Variants in SNTB2 observed in about 807,000 individuals in gnomAD.
SNTB2 encodes syntrophin beta 2, also known as beta-2-syntrophin.
A neutral mutation model predicts 46.2 loss-of-function variants in SNTB2; 34 were observed. The observed-to-expected ratio is 0.74, with a 90% CI of 0.56 to 0.98. SNTB2 has a LOEUF of 0.98. Among genes scored for constraint, SNTB2 ranks in the 50% least tolerant of loss-of-function variants. The pLI, the probability that SNTB2 is intolerant of heterozygous loss-of-function variation, is 0.00. For missense variants in SNTB2, 603 were observed against 731.4 expected, an observed-to-expected ratio of 0.82 and a Z score of 2.02; for synonymous variants, 290 against 312.6, an observed-to-expected ratio of 0.93 and a Z score of 0.76.
intron 5 of SNTB2, among the ~76,000 whole-genome samples, chr16:69,292,883 C>A (rs1364514773): frequency 6.6e-6 from 1 of 152,032 alleles, no homozygotes. Flanking sequence ...TTATACTTAA[C>A]AACATCCCCG....
intron 5 of SNTB2, among the ~76,000 whole-genome samples, chr16:69,298,551 C>T (rs961430344): frequency 3.4e-5 from 4 of 118,836 alleles, no homozygotes; most frequent in Admixed American, 2.1e-4. Context: ...GACAGTGTCT[C>T]GCTCTTGTCA....
rs1034123328 is a variant in SNTB2 at position 69,307,766 on chromosome 16, G to A, written c.*6842G>A. The A allele has an allele frequency of 1.3e-5, 2 of 150,464 alleles. No homozygotes were observed. The highest frequency in any genetic ancestry group is 4.9e-5 in the African/African-American group (2 of 40,858). 9.3% of individuals were successfully genotyped at this position (150,464 alleles called of 1,614,324 possible). On this transcript the variant is annotated 3_prime_UTR_variant, in exon 7 of 7. Coordinates refer to ENST00000336278, the MANE Select transcript of SNTB2 (RefSeq NM_006750.4). ...TCCAGACCAGCCTGGGCAACACAGCGGGACCCCGACTCCATTTAAAAAATT... is the reference window on the plus strand; with the variant it reads ...TCCAGACCAGCCTGGGCAACACAGCAGGACCCCGACTCCATTTAAAAAATT...
chr16:69,293,224 A>G (rs1397986815), intron 5 of SNTB2, among the ~76,000 whole-genome samples: 1 of 152,200 alleles, frequency 6.6e-6, no homozygotes, highest in African/African-American at 2.4e-5. Flanking sequence ...TCATATGTCC[A>G]GTCTGAACCA....
intron 2 of SNTB2, among the ~76,000 whole-genome samples, chr16:69,249,015 ATTTC>A (rs1230047237): frequency 6.9e-6 from 1 of 145,382 alleles, no homozygotes; most frequent in African/African-American, 2.6e-5. Context: ...GTTATAAATC[ATTTC>A]TTTCTTTTTT....
chr16:69,225,608 A>G (rs1597179032), intron 1 of SNTB2, among the ~76,000 whole-genome samples: 1 of 152,284 alleles, frequency 6.6e-6, no homozygotes, highest in East Asian at 1.9e-4. Flanking sequence ...GTTTTGCCTT[A>G]TTATAATTTC....
At chr16:69,299,092 A>C (rs528186828) in intron 5 of SNTB2, among the ~76,000 whole-genome samples, 2 of 152,068 alleles carry the variant, frequency 1.3e-5, no homozygotes, top group African/African-American at 4.8e-5. Context: ...ACAGATGTCA[A>C]GGAGTGTTAT....
chr16:69,194,627 G>A (rs1485081294), intron 1 of SNTB2, among the ~76,000 whole-genome samples: 1 of 152,118 alleles, frequency 6.6e-6, no homozygotes, highest in African/African-American at 2.4e-5. Context: ...AGTCATTCCA[G>A]CCAAAAATAC....
chr16:69,292,354 TTATATA>T lies in SNTB2; in HGVS notation c.1346-7216_1346-7211del, dbSNP rs1166147915. On this transcript the variant is annotated intron_variant, in intron 5 of 6. Coordinates refer to ENST00000336278, the MANE Select transcript of SNTB2 (RefSeq NM_006750.4). Reference sequence around the variant, plus strand: ...TATTTACCATTGTTCACCTTATTTTTTATATATATATATATATATATATATTATATA... The same window carrying T: ...TATTTACCATTGTTCACCTTATTTTTTATATATATATATATATATTATATA... 9.1e-4 allele frequency among the ~76,000 whole-genome samples: 33 copies of T among 36,284 alleles called. 1 individual carries two copies. The highest frequency in any genetic ancestry group is 1.0e-3 in the Non-Finnish European group (22 of 21,756). The allele number at this position is 36,284 out of a possible 152,430, so 23.8% of individuals were successfully genotyped here. A position where few individuals can be genotyped will look rare whatever the true frequency, so the allele number is the denominator to read the frequency against.
chr16:69,257,893 C>T (rs1046634069), intron 2 of SNTB2, among the ~76,000 whole-genome samples: 9 of 152,194 alleles, frequency 5.9e-5, no homozygotes, highest in Admixed American at 1.3e-4. Flanking sequence ...ACTGTATCTC[C>T]AATACCAGTG....
intron 5 of SNTB2, among the ~76,000 whole-genome samples, chr16:69,293,943 C>T (rs1465332286): frequency 6.6e-6 from 1 of 152,206 alleles, no homozygotes; most frequent in Non-Finnish European, 1.5e-5. Context: ...ATAGACATCC[C>T]TGGCTTTTTC....
intron 1 of SNTB2, among the ~76,000 whole-genome samples, chr16:69,203,962 G>A (rs1038277288): frequency 1.3e-5 from 2 of 151,414 alleles, no homozygotes; most frequent in Non-Finnish European, 2.9e-5. Context: ...GCGCGATCCC[G>A]GCTTACTGCA....
At chr16:69,223,408 T>C (rs1964426412) in intron 1 of SNTB2, among the ~76,000 whole-genome samples, 1 of 152,074 alleles carries the variant, frequency 6.6e-6, no homozygotes. Flanking sequence ...TTGGCCAGGC[T>C]GGTTTCCAAT....
At chr16:69,278,838 A>G (rs1192215471) in intron 4 of SNTB2, among the ~76,000 whole-genome samples, 2 of 151,226 alleles carry the variant, frequency 1.3e-5, no homozygotes, top group Non-Finnish European at 2.9e-5. Context: ...CACTAAGGAC[A>G]CTTCTTGCTG....
At chr16:69,232,637 G>A (rs571931264) in intron 1 of SNTB2, among the ~76,000 whole-genome samples, 3 of 146,380 alleles carry the variant, frequency 2.0e-5, no homozygotes, top group South Asian at 2.2e-4. Context: ...TCAGCCTCCC[G>A]AGTAGCTGGG....
At chr16:69,241,651 G>C (rs1404045716) in intron 1 of SNTB2, among the ~76,000 whole-genome samples, 2 of 150,810 alleles carry the variant, frequency 1.3e-5, no homozygotes, top group Non-Finnish European at 3.0e-5. Flanking sequence ...CTTAACAGGT[G>C]GGGTGCAGTG....
In SNTB2 at chr16:69,295,230, ATTT is replaced by A. The variant is rs1160903028; in HGVS notation, c.1346-4331_1346-4329del. Among the ~76,000 whole-genome samples the A allele has an allele frequency of 5.1e-3, 421 of 81,828 alleles. 1 individual carries two copies. Among genetic ancestry groups the A allele is most frequent in the African/African-American group, 0.02 (371 of 18,430 alleles). The allele number at this position is 81,828 out of a possible 152,430, so 53.7% of individuals were successfully genotyped here. A position where few individuals can be genotyped will look rare whatever the true frequency, so the allele number is the denominator to read the frequency against. ...CTGTTAAACAAAATCAACATACTGAATTTTTTTTTTTTTTTTTTTTTTTTTTTT... is the reference window on the plus strand; with the variant it reads ...CTGTTAAACAAAATCAACATACTGAATTTTTTTTTTTTTTTTTTTTTTTTT... On this transcript the variant is annotated intron_variant, in intron 5 of 6. Transcript: ENST00000336278.
chr16:69,187,689 A>G lies in SNTB2; in HGVS notation c.523A>G (p.Thr175Ala), dbSNP rs767243181. 1 of 1,339,716 alleles carries G rather than the reference A, an allele frequency of 7.5e-7. No individual in the cohort carries two copies. The highest frequency in any genetic ancestry group is 1.6e-5 in the African/African-American group (1 of 61,620). 83.0% of individuals were successfully genotyped at this position (1,339,716 alleles called of 1,614,324 possible). The change falls in exon 1 of 7, where the codon ACC (threonine) becomes GCC (alanine). Residue 175 changes from threonine to alanine, a missense_variant. Thr to Ala is a moderately conservative substitution (Grantham distance 58, BLOSUM62 0). Around this residue, in one of 2 missense-constraint regions of SNTB2, gnomAD observed 537 missense variants for 692.4 expected, o/e 0.78. Coordinates refer to ENST00000336278, the MANE Select transcript of SNTB2 (RefSeq NM_006750.4). ...GAACGGCACCGACCTGCGCCAGGCC[A>G]CCCACGACCAGGCCGTGCAGGCGCT... ...SVNGTDLRQA[T>A]HDQAVQALKR... is the part of the protein sequence containing the mutation.
At chr16:69,218,566 C>T (rs555421647) in intron 1 of SNTB2, among the ~76,000 whole-genome samples, 14 of 152,044 alleles carry the variant, frequency 9.2e-5, no homozygotes, top group African/African-American at 2.9e-4. Context: ...GGATTACAGG[C>T]GCCTGCCACC....
At chr16:69,252,738 G>C (rs534362490) in intron 2 of SNTB2, among the ~76,000 whole-genome samples, 3 of 152,082 alleles carry the variant, frequency 2.0e-5, no homozygotes, top group Non-Finnish European at 4.4e-5. Flanking sequence ...AAATCCTCTC[G>C]TTTGACAAGA....
Sources: allele counts gnomAD v4.1 joint callset (sites outside exome capture counted in the v4.1 genomes callset), GRCh38; gene constraint gnomAD v4.1.1; regional missense constraint gnomAD v4.1.1; transcripts MANE v1.5; gene names NCBI Gene and HGNC (gene_info 2026-07-23, HGNC 2026-07-21).